Variants in RYR1 observed in about 807,000 individuals in gnomAD.
RYR1 encodes the protein central core disease of muscle.
RYR1 carries 342 observed loss-of-function variants against 583.5 expected under a neutral mutation model. That is an observed-to-expected ratio of 0.59 (90% CI 0.54 to 0.64). The LOEUF is 0.64. RYR1 is among the 30% of genes least tolerant of loss of function. The pLI, the probability that RYR1 is intolerant of heterozygous loss-of-function variation, is 0.00. For missense variants in RYR1, 6,032 were observed against 6,917.2 expected, an observed-to-expected ratio of 0.87 and a Z score of 4.54; for synonymous variants, 2,791 against 2,822.5, an observed-to-expected ratio of 0.99 and a Z score of 0.35.
At position 38,490,130 on chromosome 19, in the gene RYR1, T is replaced by A. The variant is rs192932788; in HGVS notation, c.5869T>A (p.Ser1957Thr). 1.4e-5 allele frequency: 23 copies of A among 1,614,102 alleles called. No homozygotes were observed. The East Asian group carries it at 4.9e-4, about 34-fold the overall frequency. Reference protein sequence around the residue: ...CDQELQHRVESLAAFAERYVD... With the variant: ...CDQELQHRVETLAAFAERYVD... ...CCAAGAGCTGCAGCACCGTGTGGAG[T>A]CCCTGGCAGCCTTTGCGGAGCGCTA... The change falls in exon 36 of 106, where the codon TCC becomes ACC. Residue 1957 changes from serine (S) to threonine (T), a missense_variant. Physicochemically the swap from Ser to Thr is moderately conservative, Grantham distance 58. Coordinates refer to ENST00000359596, the MANE Select transcript of RYR1 (RefSeq NM_000540.3).
At chr19:38,439,059 T>A (rs2145313251) in intron 1 of RYR1, among the ~76,000 whole-genome samples, 1 of 152,246 alleles carries the variant, frequency 6.6e-6, no homozygotes. Context: ...GCTCTATATT[T>A]AGTGCCTAGA....
intron 89 of RYR1, among the ~76,000 whole-genome samples, chr19:38,555,256 G>C (rs2145812019): frequency 6.6e-6 from 1 of 152,100 alleles, no homozygotes; most frequent in Non-Finnish European, 1.5e-5. Context: ...TTTGAGAAGA[G>C]CCTGGGCAAC....
chr19:38,439,302 C>T (rs1318760308), intron 1 of RYR1, among the ~76,000 whole-genome samples: 1 of 151,848 alleles, frequency 6.6e-6, no homozygotes, highest in Admixed American at 6.6e-5. Flanking sequence ...CAGGCTCAAG[C>T]CATTCTCCTG....
chr19:38,557,513 T>C (rs1212202117), intron 89 of RYR1, among the ~76,000 whole-genome samples: 1 of 152,176 alleles, frequency 6.6e-6, no homozygotes, highest in East Asian at 1.9e-4. Context: ...AGTTGAAAGA[T>C]ACCATATGAC....
Position 38,444,110 on chromosome 19 carries a change from A to G in RYR1, c.425-39A>G. On this transcript the variant is annotated intron_variant, in intron 5 of 105. Coordinates refer to ENST00000359596, the MANE Select transcript of RYR1 (RefSeq NM_000540.3). This position sits in a 1 kb window ranked among gnomAD's most constrained non-coding sequence, Gnocchi z 5.1. Reference sequence around the variant, plus strand: ...CTGGGGAAGAGCATTCTGGGAAGCCATCATCTGACAGCCACCCCCATTCCA... The same window carrying G: ...CTGGGGAAGAGCATTCTGGGAAGCCGTCATCTGACAGCCACCCCCATTCCA... The G allele has an allele frequency of 6.4e-7, 1 of 1,551,066 alleles. No homozygotes were observed. The highest frequency in any genetic ancestry group is 1.4e-5 in the African/African-American group (1 of 73,734).
chr19:38,529,566 G>C (rs573357793), intron 76 of RYR1, among the ~76,000 whole-genome samples: 9 of 152,182 alleles, frequency 5.9e-5, no homozygotes, highest in Non-Finnish European at 1.0e-4. Flanking sequence ...CACTTCACAA[G>C]GGCATGTCTG....
intron 89 of RYR1, among the ~76,000 whole-genome samples, chr19:38,549,861 A>G (rs1192651624): frequency 6.9e-6 from 1 of 145,766 alleles, no homozygotes; most frequent in Admixed American, 7.0e-5. Flanking sequence ...ACGCACCACC[A>G]TGCCCAGCTA....
intron 78 of RYR1, among the ~76,000 whole-genome samples, chr19:38,533,952 A>C (rs972589542): frequency 6.6e-6 from 1 of 152,062 alleles, no homozygotes; most frequent in Non-Finnish European, 1.5e-5. Context: ...TTCTGCAACA[A>C]TAATGTGATA....
rs1272948453 is a variant in RYR1 at position 38,527,675 on chromosome 19, A to G, written c.10715A>G (p.Gln3572Arg). ...KVEGSPSLRW[Q>R]MALYRGVPGR... is the part of the protein sequence containing the mutation. Reference sequence around the variant, plus strand: ...GAAGGCTCCCCGTCTCTGCGCTGGCAGATGGCTCTGTACCGGGGCGTCCCG... The same window carrying G: ...GAAGGCTCCCCGTCTCTGCGCTGGCGGATGGCTCTGTACCGGGGCGTCCCG... Residue 3572 changes from glutamine (Q) to arginine (R), a missense_variant, in exon 73 of 106, where the codon CAG (glutamine) becomes CGG (arginine). Around this residue, in one of 11 missense-constraint regions of RYR1, gnomAD observed 1,493 missense variants for 1,715.5 expected, o/e 0.87. Coordinates refer to ENST00000359596, the MANE Select transcript of RYR1 (RefSeq NM_000540.3). 4 of 1,614,158 alleles carry G rather than the reference A, an allele frequency of 2.5e-6. No homozygotes were observed. The highest frequency in any genetic ancestry group is 2.2e-5 in the East Asian group (1 of 44,878).
chr19:38,512,273 G>C lies in RYR1; in HGVS notation c.9262G>C (p.Val3088Leu), dbSNP rs145044872. 3 of 1,614,234 alleles carry C rather than the reference G, an allele frequency of 1.9e-6. No homozygotes were observed. Among genetic ancestry groups the C allele is most frequent in the South Asian group, 2.2e-5 (2 of 91,082 alleles). The change falls in exon 63 of 106, where the codon GTG (valine) becomes CTG (leucine). Residue 3088 changes from valine to leucine, a missense_variant. Val to Leu is a conservative substitution (Grantham distance 32). Coordinates refer to ENST00000359596, the MANE Select transcript of RYR1 (RefSeq NM_000540.3). This position sits in a 1 kb window ranked among gnomAD's most constrained non-coding sequence, Gnocchi z 5.1. ...AGTGATGAAGTCAGGCCCTGAGATCGTGAAGGCTGGCCTCCGCTCCTTCTT... is the reference window on the plus strand; with the variant it reads ...AGTGATGAAGTCAGGCCCTGAGATCCTGAAGGCTGGCCTCCGCTCCTTCTT... Reference protein sequence around the residue: ...RTVMKSGPEIVKAGLRSFFES... With the variant: ...RTVMKSGPEILKAGLRSFFES...
chr19:38,536,031 A>G lies in RYR1; in HGVS notation c.11551A>G (p.Lys3851Glu). The G allele has an allele frequency of 6.2e-7, 1 of 1,613,934 alleles. No homozygotes were observed. The highest frequency in any genetic ancestry group is 8.5e-7 in the Non-Finnish European group (1 of 1,179,978). The change falls in exon 82 of 106, where the codon AAG becomes GAG. Residue 3851 changes from lysine to glutamate, a missense_variant. By Grantham distance (56) the Lys-to-Glu change is moderately conservative. Coordinates refer to ENST00000359596, the MANE Select transcript of RYR1 (RefSeq NM_000540.3). ...TCTCAATGCCTTTGAGAGACAGAAC[A>G]AGGCCGAGGGGCTGGGCATGGTGAA... ...LDLNAFERQN[K>E]AEGLGMVNED...
intron 63 of RYR1, among the ~76,000 whole-genome samples, chr19:38,513,059 C>T (rs752020659): frequency 2.6e-5 from 4 of 152,120 alleles, no homozygotes; most frequent in South Asian, 2.1e-4. Flanking sequence ...AGCACTTGGC[C>T]GAGCGCAGTG....
rs761670186 is a variant in RYR1, at chr19:38,448,668, C to T, written c.977C>T (p.Pro326Leu). 2.5e-6 allele frequency: 4 copies of T among 1,614,238 alleles called. No homozygotes were observed. The highest frequency in any genetic ancestry group is 2.2e-5 in the South Asian group (2 of 91,092). ...CTGTAGGAGAAGCTGGATGTGGCCCCCAAGCGGGATGTGGAGGGCATGGGC... is the reference window on the plus strand; with the variant it reads ...CTGTAGGAGAAGCTGGATGTGGCCCTCAAGCGGGATGTGGAGGGCATGGGC... Reference protein sequence around the residue: ...RISKEKLDVAPKRDVEGMGPP... With the variant: ...RISKEKLDVALKRDVEGMGPP... The change falls in exon 11 of 106, where the codon CCC becomes CTC. Residue 326 changes from proline to leucine, a missense_variant. Transcript: ENST00000359596.
In RYR1 at chr19:38,496,609, C is replaced by T; in HGVS notation, c.6796+68C>T. On this transcript the variant is annotated intron_variant, in intron 41 of 105. Coordinates refer to ENST00000359596, the MANE Select transcript of RYR1 (RefSeq NM_000540.3). The surrounding 1 kb of genome is among the most constrained non-coding windows in gnomAD (Gnocchi z 4.8). ...CCTGGCACCCCGTCCAGGCCTGCCC[C>T]ACTTTCCACCAGCTCACTCATTCAA... The T allele has an allele frequency of 1.3e-6, 2 of 1,577,732 alleles. No homozygotes were observed. Among genetic ancestry groups the T allele is most frequent in the Admixed American group, 1.7e-5 (1 of 59,812 alleles).
In RYR1 at chr19:38,458,054, C is replaced by T. The variant is rs773110930; in HGVS notation, c.1929C>T (p.Ile643=). The change falls in exon 18 of 106, where the codon ATC becomes ATT. Residue 643 remains isoleucine (I), a synonymous_variant. Coordinates refer to ENST00000359596, the MANE Select transcript of RYR1 (RefSeq NM_000540.3). ...QTNLINYVTS[I]RPNIFVGRAE... ...TCCTGTCCCATCTCTCCTGCAGCAT[C>T]CGCCCCAACATCTTTGTGGGCCGAG... The T allele has an allele frequency of 1.9e-6, 3 of 1,613,560 alleles. No individual in the cohort carries two copies. Among genetic ancestry groups the T allele is most frequent in the Non-Finnish European group, 2.5e-6 (3 of 1,180,024 alleles).
chr19:38,581,662 G>T (rs865987615), intron 101 of RYR1, among the ~76,000 whole-genome samples: 3 of 152,078 alleles, frequency 2.0e-5, no homozygotes, highest in African/African-American at 7.2e-5. Flanking sequence ...GCAGTGACAT[G>T]ACCTCAGCTT....
intron 24 of RYR1, among the ~76,000 whole-genome samples, chr19:38,467,309 C>T (rs1452669670): frequency 6.6e-6 from 1 of 152,110 alleles, no homozygotes; most frequent in African/African-American, 2.4e-5. Flanking sequence ...GACCCTTAAC[C>T]CCAGACCATA....
intron 93 of RYR1, 109 bp from the exon 94 acceptor site, chr19:38,570,498 A>G: frequency 1.4e-6 from 1 of 728,820 alleles, no homozygotes; most frequent in Admixed American, 2.0e-5. Flanking sequence ...AGGTTGTAGG[A>G]AAGATATTGA....
chr19:38,513,336 CAAAAA>C (rs1426782729), intron 63 of RYR1, among the ~76,000 whole-genome samples: 2 of 151,540 alleles, frequency 1.3e-5, no homozygotes, highest in African/African-American at 4.9e-5. Context: ...GACTCCATCT[CAAAAA>C]GAAAAGAAAA....
Sources: allele counts gnomAD v4.1 joint callset (sites outside exome capture counted in the v4.1 genomes callset), GRCh38; gene constraint gnomAD v4.1.1; regional missense constraint gnomAD v4.1.1; non-coding constraint Gnocchi (gnomAD v3.1); transcripts MANE v1.5; gene names NCBI Gene and HGNC (gene_info 2026-07-23, HGNC 2026-07-21).